Variants in FRMD5 observed in about 807,000 individuals in gnomAD.
The protein encoded by FRMD5 is FERM domain-containing protein 5.
In FRMD5, 20 loss-of-function variants were observed where a neutral mutation model predicts 69.0. The observed-to-expected ratio is 0.29, with a 90% confidence interval of 0.20 to 0.42. The LOEUF is 0.42. Among genes scored for constraint, FRMD5 ranks in the 10% least tolerant of loss-of-function variants. The pLI, the probability that FRMD5 is intolerant of heterozygous loss-of-function variation, is 1.00. For synonymous variants in FRMD5, 271 were observed against 260.1 expected (o/e 1.04, Z -0.40); for missense variants, 595 against 708.6 (o/e 0.84, Z 1.82).
At chr15:44,141,826 C>T (rs578082180) in intron 1 of FRMD5, among the ~76,000 whole-genome samples, 2 of 152,272 alleles carry the variant, frequency 1.3e-5, no homozygotes, top group South Asian at 2.1e-4. Flanking sequence ...TTATTCACTA[C>T]AAAATTGGAA....
At position 43,905,880 on chromosome 15, in the gene FRMD5, G is replaced by A; in HGVS notation, c.499C>T (p.His167Tyr). The change falls in exon 6 of 14, where the codon CAT (histidine) becomes TAT (tyrosine). Residue 167 changes from histidine (H) to tyrosine (Y), a missense_variant. His to Tyr is a moderately conservative substitution (Grantham distance 83). Transcript: ENST00000417257. Reference sequence around the variant, plus strand: ...ATTTTCCTTTCCAGCTTCTCTGAATGTTTAGGGAAAAACTGGAACTTGGAG... The same window carrying A: ...ATTTTCCTTTCCAGCTTCTCTGAATATTTAGGGAAAAACTGGAACTTGGAG... ...YSSKFQFFPK[H>Y]SEKLERKIAE... 6.2e-7 allele frequency: 1 copy of A among 1,614,202 alleles called. No individual in the cohort carries two copies. Among genetic ancestry groups the A allele is most frequent in the Non-Finnish European group, 8.5e-7 (1 of 1,180,022 alleles).
chr15:44,173,248 C>T lies in FRMD5; in HGVS notation c.102+21705G>A, dbSNP rs1403463316. On this transcript the variant is annotated intron_variant, in intron 1 of 13. Coordinates refer to ENST00000417257, the MANE Select transcript of FRMD5 (RefSeq NM_032892.5). ...GGAAATTCAATGCCAAATAAGAAAA[C>T]CTACATGCAGCTTATAGGTTTGATA... is the stretch of plus-strand genomic sequence containing the variant. Among the ~76,000 whole-genome samples, 3 of 152,110 alleles carry T rather than the reference C, an allele frequency of 2.0e-5. No homozygotes were observed. In the East Asian group the frequency reaches 5.8e-4, roughly 29 times the overall value.
At chr15:43,984,347 C>T (rs574706663) in intron 1 of FRMD5, among the ~76,000 whole-genome samples, 60 of 152,266 alleles carry the variant, frequency 3.9e-4, no homozygotes, top group Non-Finnish European at 7.3e-4. Context: ...ACACTGCCTC[C>T]GGAAACAAGC....
At chr15:44,061,625 G>A (rs1324340081) in intron 1 of FRMD5, among the ~76,000 whole-genome samples, 2 of 152,184 alleles carry the variant, frequency 1.3e-5, no homozygotes, top group South Asian at 2.1e-4. Flanking sequence ...TGTCAGGGAA[G>A]TCCATAAAGT....
intron 1 of FRMD5, among the ~76,000 whole-genome samples, chr15:44,109,158 A>C (rs2076762439): frequency 6.6e-6 from 1 of 151,980 alleles, no homozygotes; most frequent in Non-Finnish European, 1.5e-5. Flanking sequence ...TCCTTGAATA[A>C]TTTTTTAATT....
intron 1 of FRMD5, among the ~76,000 whole-genome samples, chr15:43,950,785 C>T (rs1248304479): frequency 6.6e-6 from 1 of 152,200 alleles, no homozygotes; most frequent in Non-Finnish European, 1.5e-5. Context: ...AGCTGCCTTG[C>T]TCAGTGCTAT....
intron 1 of FRMD5, among the ~76,000 whole-genome samples, chr15:44,019,877 T>A (rs945153189): frequency 2.0e-5 from 3 of 152,048 alleles, no homozygotes; most frequent in African/African-American, 7.2e-5. Flanking sequence ...CTCTAAATGT[T>A]GTATTTGTTA....
chr15:43,949,958 A>G (rs2090001697), intron 1 of FRMD5, among the ~76,000 whole-genome samples: 1 of 152,144 alleles, frequency 6.6e-6, no homozygotes, highest in South Asian at 2.1e-4. Flanking sequence ...AAGGCTTGGG[A>G]AGGGCACACG....
intron 1 of FRMD5, 112 bp from the exon 2 acceptor site, chr15:43,924,421 G>A (rs536026862): frequency 2.0e-4 from 146 of 714,306 alleles, no homozygotes; most frequent in Middle Eastern, 1.9e-3. Context: ...TCTATGAAAG[G>A]GGTGAATGTC....
chr15:43,915,121 C>T (rs1212584970), intron 4 of FRMD5, among the ~76,000 whole-genome samples: 1 of 152,160 alleles, frequency 6.6e-6, no homozygotes, highest in African/African-American at 2.4e-5. Context: ...TAAAGAACAA[C>T]CTGGGATTTG....
At chr15:43,945,980 G>A (rs1205647642) in intron 1 of FRMD5, among the ~76,000 whole-genome samples, 4 of 152,008 alleles carry the variant, frequency 2.6e-5, no homozygotes, top group African/African-American at 7.3e-5. Context: ...GCTTAAACCC[G>A]GGAGGCGGAG....
chr15:44,195,324 T>A (rs573360605), upstream of FRMD5: 2 of 487,896 alleles, frequency 4.1e-6, no homozygotes, highest in East Asian at 4.0e-5. Flanking sequence ...GGGCCTCAAC[T>A]GGAGGGGGCC....
chr15:43,915,593 T>G (rs1402733670), intron 4 of FRMD5, among the ~76,000 whole-genome samples: 1 of 152,170 alleles, frequency 6.6e-6, no homozygotes, highest in Non-Finnish European at 1.5e-5. Context: ...AAAAGCCAAA[T>G]CTGGTACCTG....
intron 13 of FRMD5, among the ~76,000 whole-genome samples, chr15:43,881,234 C>A (rs1209248310): frequency 6.6e-6 from 1 of 152,078 alleles, no homozygotes; most frequent in African/African-American, 2.4e-5. Context: ...GGGGATGGAC[C>A]CTCTAGCTTC....
At chr15:43,958,971 C>A (rs1372884870) in intron 1 of FRMD5, among the ~76,000 whole-genome samples, 2 of 152,142 alleles carry the variant, frequency 1.3e-5, no homozygotes, top group Non-Finnish European at 2.9e-5. Context: ...GGCATACAAA[C>A]AACACTGACA....
At chr15:43,895,691 C>T (rs892149964) in intron 7 of FRMD5, among the ~76,000 whole-genome samples, 2 of 152,222 alleles carry the variant, frequency 1.3e-5, no homozygotes, top group African/African-American at 4.8e-5. Context: ...TGAAGGCCAC[C>T]GCAAGACCCT....
intron 1 of FRMD5, among the ~76,000 whole-genome samples, chr15:43,986,764 C>G (rs1178390129): frequency 1.3e-5 from 2 of 149,690 alleles, no homozygotes; most frequent in African/African-American, 2.5e-5. Context: ...TATTGTGCTT[C>G]ACTTCATTGT....
chr15:44,099,091 A>G (rs575324547), intron 1 of FRMD5, among the ~76,000 whole-genome samples: 35 of 152,318 alleles, frequency 2.3e-4, no homozygotes, highest in Admixed American at 5.2e-4. Flanking sequence ...ATGGAAGCCA[A>G]TCACCTTCAC....
chr15:44,017,851 C>T (rs541032436), intron 1 of FRMD5, among the ~76,000 whole-genome samples: 30 of 151,952 alleles, frequency 2.0e-4, no homozygotes, highest in South Asian at 1.0e-3. Flanking sequence ...CCTCGTGATC[C>T]GCCCGCCTCA....
Sources: gnomAD v4.1 joint callset for allele counts (sites outside exome capture counted in the v4.1 genomes callset) on GRCh38, gnomAD v4.1.1 for gene constraint, MANE v1.5 for transcripts, NCBI Gene and HGNC (gene_info 2026-07-23, HGNC 2026-07-21) for gene names.